Variants in CNBD1 observed in about 807,000 individuals in gnomAD.
CNBD1 encodes the protein cyclic nucleotide-binding domain-containing protein 1.
Under a neutral mutation model 54.4 loss-of-function variants are expected in CNBD1, and 71 were observed. That is an observed-to-expected ratio of 1.30 (90% CI 1.08 to 1.59). The LOEUF (loss-of-function observed/expected upper bound fraction) is 1.59, where lower values mean the gene tolerates loss of function less well. Ranked by LOEUF, CNBD1 falls within the 40% of genes most tolerant of loss-of-function variation. CNBD1 has a pLI of 0.00. For missense variants in CNBD1, 659 were observed against 518.0 expected (o/e 1.27, Z -2.64); for synonymous variants, 182 against 170.7 (o/e 1.07, Z -0.51).
intron 4 of CNBD1, among the ~76,000 whole-genome samples, chr8:87,185,993 C>T (rs1240770813): frequency 3.9e-5 from 6 of 152,152 alleles, no homozygotes; most frequent in Non-Finnish European, 7.4e-5. Context: ...ATTTGTTCCT[C>T]GTTTCCAAGG....
chr8:87,294,317 A>G (rs937917997), intron 8 of CNBD1, among the ~76,000 whole-genome samples: 4 of 152,190 alleles, frequency 2.6e-5, no homozygotes, highest in Non-Finnish European at 5.9e-5. Flanking sequence ...GACAGTCTAT[A>G]CATGTTGGGG....
downstream of CNBD1, among the ~76,000 whole-genome samples, chr8:87,385,342 C>T (rs1245391448): frequency 6.6e-6 from 1 of 151,510 alleles, no homozygotes; most frequent in Admixed American, 6.6e-5. Context: ...CCGGGAAGGG[C>T]AGAGTCAGGG....
chr8:87,102,960 T>C (rs1811462054), intron 4 of CNBD1, among the ~76,000 whole-genome samples: 3 of 152,132 alleles, frequency 2.0e-5, no homozygotes, highest in Admixed American at 1.3e-4. Context: ...GAGAGAGGGA[T>C]TCAGAGGAAC....
intron 2 of CNBD1, among the ~76,000 whole-genome samples, chr8:87,424,256 T>C (rs1198812007): frequency 6.6e-6 from 1 of 152,056 alleles, no homozygotes; most frequent in Non-Finnish European, 1.5e-5. Flanking sequence ...TTTGAAGGGT[T>C]TTTTGTGTCT....
At chr8:87,212,160 G>A (rs1814112843) in intron 5 of CNBD1, among the ~76,000 whole-genome samples, 1 of 152,042 alleles carries the variant, frequency 6.6e-6, no homozygotes, top group Non-Finnish European at 1.5e-5. Flanking sequence ...GGAATAAATT[G>A]TACAAATGAA....
At chr8:87,331,791 A>T (rs1476887414) in intron 8 of CNBD1, among the ~76,000 whole-genome samples, 2 of 152,028 alleles carry the variant, frequency 1.3e-5, no homozygotes, top group Admixed American at 6.5e-5. Flanking sequence ...TGTGGTTTTG[A>T]TATGCATTTC....
chr8:87,123,368 G>T (rs1811926993), intron 4 of CNBD1, among the ~76,000 whole-genome samples: 1 of 151,540 alleles, frequency 6.6e-6, no homozygotes, highest in Non-Finnish European at 1.5e-5. Context: ...AAAAATCTTG[G>T]AAAAATACAC....
intron 4 of CNBD1, among the ~76,000 whole-genome samples, chr8:87,038,260 A>G (rs1331269655): frequency 6.6e-6 from 1 of 152,214 alleles, no homozygotes; most frequent in African/African-American, 2.4e-5. Context: ...TCAGCAGGCT[A>G]TAACCTCCTG....
intron 6 of CNBD1, among the ~76,000 whole-genome samples, chr8:87,281,115 A>G (rs1351861940): frequency 2.0e-5 from 3 of 151,690 alleles, no homozygotes; most frequent in Non-Finnish European, 4.4e-5. Flanking sequence ...TTCGGATATA[A>G]CAACTGTAAT....
intron 4 of CNBD1, among the ~76,000 whole-genome samples, chr8:87,100,226 T>C (rs539234651): frequency 6.6e-5 from 10 of 152,332 alleles, no homozygotes; most frequent in Non-Finnish European, 1.3e-4. Flanking sequence ...AGATGGCTTC[T>C]GGTTCTAGAG....
intron 4 of CNBD1, among the ~76,000 whole-genome samples, chr8:86,981,104 G>C (rs1586177796): frequency 2.0e-5 from 3 of 152,208 alleles, no homozygotes; most frequent in Admixed American, 6.5e-5. Context: ...TAAAAGTAGA[G>C]AATATAATTT....
intron 4 of CNBD1, among the ~76,000 whole-genome samples, chr8:87,137,743 G>T (rs1216934073): frequency 6.6e-6 from 1 of 152,014 alleles, no homozygotes; most frequent in East Asian, 1.9e-4. Flanking sequence ...ATAGTGAATT[G>T]GAATGGGAAA....
chr8:87,237,041 A>G lies in CNBD1; in HGVS notation c.700A>G (p.Ser234Gly). ...CTCGTTCATATCTCAGAGTTTCCAC[A>G]GCTTCATTTGGAGTGAAGAATTCAA... Reference protein sequence around the residue: ...PDSFISQSFHSFIWSEEFKNS... With the variant: ...PDSFISQSFHGFIWSEEFKNS... Residue 234 changes from serine to glycine, a missense_variant, in exon 6 of 11, where the codon AGC (serine) becomes GGC (glycine). Coordinates refer to ENST00000518476, the MANE Select transcript of CNBD1 (RefSeq NM_173538.3). 1 of 1,612,310 alleles carries G rather than the reference A, an allele frequency of 6.2e-7. No individual in the cohort carries two copies. Among genetic ancestry groups the G allele is most frequent in the East Asian group, 2.2e-5 (1 of 44,830 alleles).
At chr8:87,271,750 G>A (rs9886602) in intron 6 of CNBD1, among the ~76,000 whole-genome samples, 42,698 of 151,742 alleles carry the variant, frequency 0.28, 6,455 homozygotes, top group African/African-American at 0.39. Flanking sequence ...CAATTCTACT[G>A]TTGGGTATTT....
chr8:87,016,786 G>C (rs1285237767), intron 4 of CNBD1, among the ~76,000 whole-genome samples: 2 of 152,182 alleles, frequency 1.3e-5, no homozygotes, highest in Non-Finnish European at 2.9e-5. Flanking sequence ...AATCAGCCTA[G>C]TAGGCCAGAT....
chr8:86,930,795 C>A (rs1359051459), intron 3 of CNBD1, among the ~76,000 whole-genome samples: 1 of 152,188 alleles, frequency 6.6e-6, no homozygotes, highest in Non-Finnish European at 1.5e-5. Context: ...CCTGCATTTT[C>A]TTACTAAGCC....
chr8:87,352,478 C>CAAAAAAAAAAAAAAAAAAAAAAAAAAA (rs386413278), intron 9 of CNBD1, among the ~76,000 whole-genome samples: 1 of 107,492 alleles, frequency 9.3e-6, no homozygotes, highest in African/African-American at 3.8e-5. Context: ...GACTCTGTCT[C>CAAAAAAAAAAAAAAAAAAAAAAAAAAA]AAAAAAAAAA....
At chr8:87,420,112 A>G (rs187229039) in intron 2 of CNBD1, among the ~76,000 whole-genome samples, 1,824 of 152,102 alleles carry the variant, frequency 0.012, 40 homozygotes, top group African/African-American at 0.039. Context: ...CCACATTTAC[A>G]GAATAAAAGA....
At chr8:87,305,554 AG>A (rs1809123690) in intron 8 of CNBD1, among the ~76,000 whole-genome samples, 3 of 152,200 alleles carry the variant, frequency 2.0e-5, no homozygotes, top group Non-Finnish European at 4.4e-5. Flanking sequence ...GTATAAAAAT[AG>A]GCACATAGAC....
Sources: allele counts gnomAD v4.1 joint callset (sites outside exome capture counted in the v4.1 genomes callset), GRCh38; gene constraint gnomAD v4.1.1; transcripts MANE v1.5; gene names NCBI Gene and HGNC (gene_info 2026-07-23, HGNC 2026-07-21).